The following GAREM1 variants were observed in gnomAD, a reference collection of about 807,000 sequenced individuals.
GAREM1 encodes the protein GRB2 associated regulator of MAPK1 subtype 1.
GAREM1 carries 26 observed loss-of-function variants against 71.3 expected under a neutral mutation model. That is an observed-to-expected ratio of 0.36 (90% confidence interval 0.27 to 0.51). The LOEUF is 0.51. GAREM1 is among the 20% of genes least tolerant of loss of function. The pLI, the probability that GAREM1 is intolerant of heterozygous loss-of-function variation, is 0.95. For synonymous variants in GAREM1, 440 were observed against 433.2 expected, an observed-to-expected ratio of 1.02 and a Z score of -0.20; for missense variants, 1,026 against 1,103.1, an observed-to-expected ratio of 0.93 and a Z score of 0.99.
chr18:32,313,067 G>A (rs190282654), intron 2 of GAREM1, among the ~76,000 whole-genome samples: 2 of 152,306 alleles, frequency 1.3e-5, no homozygotes, highest in Admixed American at 6.5e-5. Flanking sequence ...AAACCACAGA[G>A]TACAGTTGTG....
intron 3 of GAREM1, among the ~76,000 whole-genome samples, chr18:32,301,832 G>A (rs530248629): frequency 6.6e-6 from 1 of 152,198 alleles, no homozygotes; most frequent in South Asian, 2.1e-4. Context: ...GAGAACTTTT[G>A]TTCATATAAG....
chr18:32,306,935 A>G (rs988330937), intron 3 of GAREM1, among the ~76,000 whole-genome samples: 1 of 152,128 alleles, frequency 6.6e-6, no homozygotes, highest in Non-Finnish European at 1.5e-5. Context: ...GATGGGGCCA[A>G]TCAGGCAGAT....
chr18:32,416,254 T>C lies in GAREM1; in HGVS notation c.122-23219A>G, dbSNP rs573701130. ...AAAAATAAAAGATATTCCCTGTTCA[T>C]GGATTGAAAGAATCAATGTTGTTAA... On this transcript the variant is annotated intron_variant, in intron 1 of 5. Coordinates refer to ENST00000269209, the MANE Select transcript of GAREM1 (RefSeq NM_001242409.2). Among the ~76,000 whole-genome samples the C allele has an allele frequency of 1.9e-4, 29 of 152,266 alleles. No homozygotes were observed. In the South Asian group the frequency reaches 4.6e-3, roughly 24 times the overall value.
intron 1 of GAREM1, among the ~76,000 whole-genome samples, chr18:32,452,047 A>G (rs2048845113): frequency 6.6e-6 from 1 of 152,176 alleles, no homozygotes; most frequent in South Asian, 2.1e-4. Flanking sequence ...TTTCACTCAT[A>G]TTCTGACATG....
At chr18:32,330,152 T>C (rs2047517552) in intron 2 of GAREM1, among the ~76,000 whole-genome samples, 2 of 152,140 alleles carry the variant, frequency 1.3e-5, no homozygotes, top group Non-Finnish European at 2.9e-5. Flanking sequence ...GTGGTACATA[T>C]ATACCACAGA....
At chr18:32,374,827 T>C (rs981445290) in intron 2 of GAREM1, among the ~76,000 whole-genome samples, 3 of 152,216 alleles carry the variant, frequency 2.0e-5, no homozygotes, top group Admixed American at 1.3e-4. Flanking sequence ...AAATGAAATA[T>C]TATATTCAAG....
intron 2 of GAREM1, among the ~76,000 whole-genome samples, chr18:32,355,808 C>A (rs958560089): frequency 1.3e-5 from 2 of 152,108 alleles, no homozygotes; most frequent in Non-Finnish European, 2.9e-5. Context: ...GCCCACCAAA[C>A]CGAACTATTT....
At chr18:32,364,746 T>C (rs2047912031) in intron 2 of GAREM1, among the ~76,000 whole-genome samples, 3 of 152,180 alleles carry the variant, frequency 2.0e-5, no homozygotes, top group Admixed American at 2.0e-4. Flanking sequence ...AAATTCTTTA[T>C]GAACACAAGA....
chr18:32,370,305 G>T (rs2047965600), intron 2 of GAREM1, among the ~76,000 whole-genome samples: 1 of 151,836 alleles, frequency 6.6e-6, no homozygotes, highest in East Asian at 2.0e-4. Flanking sequence ...GCGCACACCT[G>T]TAGTCCCAGC....
At chr18:32,271,683 A>G (rs778884284) in intron 4 of GAREM1, among the ~76,000 whole-genome samples, 5 of 152,110 alleles carry the variant, frequency 3.3e-5, no homozygotes, top group African/African-American at 9.7e-5. Context: ...TCTACATCCA[A>G]AAAGTACTTT....
intron 1 of GAREM1, among the ~76,000 whole-genome samples, chr18:32,462,802 T>C (rs573739395): frequency 6.6e-6 from 1 of 152,182 alleles, no homozygotes; most frequent in Non-Finnish European, 1.5e-5. Context: ...TGGCATTAGA[T>C]AGGAGTTCAG....
intron 1 of GAREM1, among the ~76,000 whole-genome samples, chr18:32,460,541 C>T (rs1194268722): frequency 6.6e-6 from 1 of 152,180 alleles, no homozygotes; most frequent in Non-Finnish European, 1.5e-5. Flanking sequence ...CTTTTACCAC[C>T]ATGTAATGCT....
At chr18:32,384,774 T>C (rs2048130080) in intron 2 of GAREM1, among the ~76,000 whole-genome samples, 1 of 152,190 alleles carries the variant, frequency 6.6e-6, no homozygotes, top group Admixed American at 6.5e-5. Flanking sequence ...CAATGTGAAG[T>C]AGGACTAGAA....
intron 3 of GAREM1, among the ~76,000 whole-genome samples, chr18:32,304,016 G>C (rs1354827563): frequency 6.6e-6 from 1 of 151,566 alleles, no homozygotes; most frequent in African/African-American, 2.4e-5. Context: ...GGAGGGATAA[G>C]AGAAAAGAGG....
intron 2 of GAREM1, among the ~76,000 whole-genome samples, chr18:32,315,603 T>A (rs1472450450): frequency 1.3e-5 from 2 of 151,610 alleles, no homozygotes; most frequent in African/African-American, 2.4e-5. Context: ...TTAGGGATCA[T>A]CTCAGTTCAG....
At chr18:32,392,046 T>C (rs2048205795) in intron 2 of GAREM1, among the ~76,000 whole-genome samples, 1 of 152,202 alleles carries the variant, frequency 6.6e-6, no homozygotes, top group Non-Finnish European at 1.5e-5. Context: ...AAAGGGGTTA[T>C]TCGAGAACAC....
intron 2 of GAREM1, among the ~76,000 whole-genome samples, chr18:32,388,397 AC>A (rs1391277203): frequency 1.6e-4 from 25 of 152,332 alleles, no homozygotes; most frequent in African/African-American, 5.5e-4. Context: ...ATCATCAATA[AC>A]TACTTAATAG....
At chr18:32,280,633 A>G (rs929880549) in intron 4 of GAREM1, among the ~76,000 whole-genome samples, 3 of 152,210 alleles carry the variant, frequency 2.0e-5, no homozygotes, top group African/African-American at 7.2e-5. Flanking sequence ...TGATGATTAC[A>G]AAGTTTGTGA....
chr18:32,373,834 T>C (rs1196930615), intron 2 of GAREM1, among the ~76,000 whole-genome samples: 1 of 152,228 alleles, frequency 6.6e-6, no homozygotes. Flanking sequence ...AATTATTTTA[T>C]AAATCAGTCT....
Sources: allele counts gnomAD v4.1 joint callset (sites outside exome capture counted in the v4.1 genomes callset), GRCh38; gene constraint gnomAD v4.1.1; transcripts MANE v1.5; gene names NCBI Gene and HGNC (gene_info 2026-07-23, HGNC 2026-07-21).